Variants in C9orf57 observed in about 807,000 individuals in gnomAD.
C9orf57 encodes chromosome 9 open reading frame 57, also known as uncharacterized protein C9orf57.
C9orf57 carries 12 observed loss-of-function variants against 12.9 expected under a neutral mutation model. The observed-to-expected ratio is 0.93, with a 90% CI of 0.60 to 1.51. The LOEUF (loss-of-function observed/expected upper bound fraction) is 1.51, where lower values mean the gene tolerates loss of function less well. Ranked by LOEUF, C9orf57 falls within the 40% of genes most tolerant of loss-of-function variation. The probability of loss-of-function intolerance (pLI) is 0.00; values close to 1 mark genes in which losing one functional copy is unlikely to be tolerated. For synonymous variants in C9orf57, 49 were observed against 57.1 expected (o/e 0.86, Z 0.64); for missense variants, 141 against 162.8 (o/e 0.87, Z 0.73).
chr9:72,059,422 T>A, intron 1 of C9orf57, 38 bp from the exon 2 acceptor site: 1 of 1,544,204 alleles, frequency 6.5e-7, no homozygotes, highest in Non-Finnish European at 8.7e-7. Flanking sequence ...ATGTTAGCTA[T>A]TTTAAAAACG....
chr9:72,053,224 A>G (rs1824116699), intron 4 of C9orf57, among the ~76,000 whole-genome samples: 1 of 152,176 alleles, frequency 6.6e-6, no homozygotes, highest in South Asian at 2.1e-4. Flanking sequence ...ACATCCTACA[A>G]TACAAAAGAC....
Position 72,059,216 on chromosome 9 carries a change from T to C in C9orf57, c.97+19A>G, listed in dbSNP as rs944184903. On this transcript the variant is annotated intron_variant, in intron 2 of 4. Coordinates refer to ENST00000651200, the MANE Select transcript of C9orf57 (RefSeq NM_001128618.2). The stretch of plus-strand genomic sequence containing the variant: ...AATAATTTTCTATCCTTTTAACTTA[T>C]GCTTTCCTAATGACTTACCACCTAA... 2.6e-6 allele frequency: 4 copies of C among 1,551,312 alleles called. No individual in the cohort carries two copies. Among genetic ancestry groups the C allele is most frequent in the Non-Finnish European group, 3.5e-6 (4 of 1,146,932 alleles).
intron 1 of C9orf57, among the ~76,000 whole-genome samples, chr9:72,060,207 C>T (rs533166078): frequency 2.0e-5 from 3 of 152,194 alleles, no homozygotes; most frequent in East Asian, 1.9e-4. Context: ...CTGCAACACC[C>T]GGCTAATTTT....
intron 4 of C9orf57, among the ~76,000 whole-genome samples, chr9:72,053,154 G>T (rs1033052488): frequency 1.3e-5 from 2 of 152,120 alleles, no homozygotes; most frequent in Non-Finnish European, 2.9e-5. Flanking sequence ...TGGTTGGGGC[G>T]GCAGGGTGGG....
chr9:72,059,547 G>A (rs373661211), intron 1 of C9orf57, among the ~76,000 whole-genome samples, 163 bp from the exon 2 acceptor site: 7 of 152,348 alleles, frequency 4.6e-5, no homozygotes, highest in African/African-American at 1.7e-4. Context: ...ATGGCTGGAC[G>A]CAGTGGCTCA....
chr9:72,053,313 A>G (rs1267401910), intron 4 of C9orf57, among the ~76,000 whole-genome samples: 2 of 152,206 alleles, frequency 1.3e-5, no homozygotes, highest in South Asian at 4.1e-4. Context: ...TAAAACTATC[A>G]AAAGCATGAG....
chr9:72,059,252 A>G lies in C9orf57; in HGVS notation c.80T>C (p.Leu27Ser). ...VILFRLLGVILFGRLGDLGTC... is the reference protein window; with the variant it reads ...VILFRLLGVISFGRLGDLGTC... ...TGACTTACCACCTAAGCGGCCGAAT[A>G]AGATAACACCTAAGAGGCGGAATAA... Residue 27 changes from leucine to serine, a missense_variant, in exon 2 of 5, where the codon TTA becomes TCA. By Grantham distance (145) the Leu-to-Ser change is moderately radical. Coordinates refer to ENST00000651200, the MANE Select transcript of C9orf57 (RefSeq NM_001128618.2). 6.4e-7 allele frequency: 1 copy of G among 1,550,980 alleles called. No homozygotes were observed. Among genetic ancestry groups the G allele is most frequent in the Non-Finnish European group, 8.7e-7 (1 of 1,146,854 alleles).
rs899408386 is a variant in C9orf57 at position 72,059,109 on chromosome 9, T to A, written c.97+126A>T. The A allele has an allele frequency of 7.5e-5, 93 of 1,243,452 alleles. 1 individual carries two copies. The highest frequency in any genetic ancestry group is 7.7e-6 in the Non-Finnish European group (7 of 910,784). The allele number at this position is 1,243,452 out of a possible 1,614,324, so 77.0% of individuals were successfully genotyped here. ...TCAGGCTGGTCTTGAACTCCCGACC[T>A]CAGACCTGATCCACCCGCCTCAGCC... On this transcript the variant is annotated intron_variant, in intron 2 of 4. Coordinates refer to ENST00000651200, the MANE Select transcript of C9orf57 (RefSeq NM_001128618.2).
chr9:72,055,399 TCCTTCCTTCCTTCCTTCCTTCCTTC>T (rs1589299907), intron 4 of C9orf57, among the ~76,000 whole-genome samples: 1 of 106,906 alleles, frequency 9.4e-6, no homozygotes, highest in East Asian at 3.4e-4. Flanking sequence ...CTTCCTTCCT[TCCTTCCTTCCTTCCTTCCTTCCTTC>T]CTTCCTTCCT....
chr9:72,054,628 A>C (rs1423497936), intron 4 of C9orf57, among the ~76,000 whole-genome samples: 1 of 152,164 alleles, frequency 6.6e-6, no homozygotes, highest in East Asian at 1.9e-4. Context: ...TTTTACTAAC[A>C]AGGTTGAGTA....
intron 2 of C9orf57, among the ~76,000 whole-genome samples, chr9:72,058,091 C>T (rs963725375): frequency 6.6e-6 from 1 of 152,160 alleles, no homozygotes; most frequent in Non-Finnish European, 1.5e-5. Context: ...GCAGAAATAG[C>T]TGAGGGGATA....
intron 1 of C9orf57, among the ~76,000 whole-genome samples, chr9:72,060,041 AATTATTATT>A (rs148166325): frequency 0.023 from 3,544 of 151,738 alleles, 163 homozygotes; most frequent in African/African-American, 0.082. Context: ...CTCCTTTATG[AATTATTATT>A]ATTATTATTA....
chr9:72,054,693 C>T (rs1824152577), intron 4 of C9orf57, among the ~76,000 whole-genome samples: 1 of 152,076 alleles, frequency 6.6e-6, no homozygotes, highest in African/African-American at 2.4e-5. Flanking sequence ...TGCCTTCCTA[C>T]TTCCTTTAAT....
At chr9:72,053,769 C>T (rs1482406588) in intron 4 of C9orf57, among the ~76,000 whole-genome samples, 1 of 152,164 alleles carries the variant, frequency 6.6e-6, no homozygotes, top group Non-Finnish European at 1.5e-5. Context: ...TTTTGTTCTT[C>T]CCTTCCAATT....
intron 4 of C9orf57, among the ~76,000 whole-genome samples, chr9:72,055,546 C>T (rs997658157): frequency 2.0e-4 from 31 of 151,940 alleles, no homozygotes; most frequent in African/African-American, 6.3e-4. Flanking sequence ...CACCTGGCCT[C>T]CCCGGTAGCT....
chr9:72,055,382 T>C (rs58011861), intron 4 of C9orf57, among the ~76,000 whole-genome samples: 3,524 of 36,754 alleles, frequency 0.096, 227 homozygotes, highest in African/African-American at 0.2. Context: ...CCCTCCTTCC[T>C]TCCTTCCTTC....
chr9:72,058,010 T>C (rs548403028), intron 2 of C9orf57, among the ~76,000 whole-genome samples: 39 of 152,314 alleles, frequency 2.6e-4, no homozygotes, highest in African/African-American at 8.4e-4. Flanking sequence ...AACTCACAGA[T>C]TCCCAGGGCC....
chr9:72,051,985 G>C lies in C9orf57; in HGVS notation c.*311C>G, dbSNP rs1174047541. 2 of 280,426 alleles carry C rather than the reference G, an allele frequency of 7.1e-6. No homozygotes were observed. The highest frequency in any genetic ancestry group is 1.3e-5 in the Non-Finnish European group (2 of 149,288). 17.4% of individuals were successfully genotyped at this position (280,426 alleles called of 1,614,324 possible). A position where few individuals can be genotyped will look rare whatever the true frequency, so the allele number is the denominator to read the frequency against. ...AAATGAAAGTAGTTAGAGGTGACATGCCTAGTTTGACTTGGAGAATCACTA... is the reference window on the plus strand; with the variant it reads ...AAATGAAAGTAGTTAGAGGTGACATCCCTAGTTTGACTTGGAGAATCACTA... On this transcript the variant is annotated 3_prime_UTR_variant, in exon 5 of 5. Transcript: ENST00000651200.
intron 2 of C9orf57, among the ~76,000 whole-genome samples, chr9:72,057,447 A>T (rs888795353): frequency 2.0e-5 from 3 of 151,742 alleles, no homozygotes; most frequent in Non-Finnish European, 2.9e-5. Flanking sequence ...GGCTGGTCTC[A>T]AACTCCTAAC....
Sources: allele counts gnomAD v4.1 joint callset (sites outside exome capture counted in the v4.1 genomes callset), GRCh38; gene constraint gnomAD v4.1.1; transcripts MANE v1.5; gene names NCBI Gene and HGNC (gene_info 2026-07-23, HGNC 2026-07-21).